Variants in CEP112 observed in about 807,000 individuals in gnomAD.
CEP112 encodes the protein centrosomal protein 112, also known as centrosomal protein of 112 kDa.
A neutral mutation model predicts 153.0 loss-of-function variants in CEP112; 127 were observed. That is an observed-to-expected ratio of 0.83 (90% CI 0.72 to 0.96). CEP112 has a LOEUF of 0.96. Ranked by LOEUF, CEP112 falls within the 40% of genes least tolerant of loss-of-function variation. The pLI is 0.00. For synonymous variants in CEP112, 358 were observed against 374.4 expected, an observed-to-expected ratio of 0.96 and a Z score of 0.51; for missense variants, 1,089 against 1,101.2, an observed-to-expected ratio of 0.99 and a Z score of 0.16.
intron 21 of CEP112, among the ~76,000 whole-genome samples, chr17:65,799,800 A>AC (rs1212697974): frequency 6.6e-6 from 1 of 152,224 alleles, no homozygotes; most frequent in African/African-American, 2.4e-5. Context: ...CTACCTTTCT[A>AC]CCCTTCTACC....
chr17:65,800,725 G>A (rs2055217732), intron 21 of CEP112, among the ~76,000 whole-genome samples: 1 of 152,116 alleles, frequency 6.6e-6, no homozygotes, highest in Non-Finnish European at 1.5e-5. Context: ...AATTCCCATT[G>A]TAAAATACGA....
At chr17:66,000,310 ATG>A (rs1473779702) in intron 17 of CEP112, among the ~76,000 whole-genome samples, 2 of 150,102 alleles carry the variant, frequency 1.3e-5, no homozygotes, top group Middle Eastern at 3.4e-3. Context: ...CATTTCTCTA[ATG>A]ATCGGTGATG....
chr17:65,862,605 A>G (rs1424944395), intron 20 of CEP112, among the ~76,000 whole-genome samples: 2 of 152,102 alleles, frequency 1.3e-5, no homozygotes, highest in Admixed American at 1.3e-4. Flanking sequence ...TAATAATAAT[A>G]TGTTCCAATT....
chr17:66,101,114 T>C (rs554016409), intron 6 of CEP112, among the ~76,000 whole-genome samples: 7 of 152,248 alleles, frequency 4.6e-5, no homozygotes, highest in African/African-American at 1.4e-4. Context: ...TATTAAACTT[T>C]ACGAATATTT....
intron 5 of CEP112, among the ~76,000 whole-genome samples, chr17:66,130,043 G>GA (rs1264632278): frequency 9.2e-5 from 14 of 151,804 alleles, no homozygotes; most frequent in East Asian, 1.9e-4. Context: ...ACGGGAGGGA[G>GA]AAAAAAAGAA....
intron 20 of CEP112, among the ~76,000 whole-genome samples, chr17:65,870,763 C>G (rs2058647189): frequency 6.6e-6 from 1 of 152,220 alleles, no homozygotes; most frequent in Admixed American, 6.5e-5. Flanking sequence ...CTAGAAACAC[C>G]TAAAGTTATT....
intron 24 of CEP112, among the ~76,000 whole-genome samples, chr17:65,669,302 C>T (rs1439344916): frequency 3.9e-5 from 6 of 152,170 alleles, no homozygotes; most frequent in Non-Finnish European, 7.3e-5. Context: ...GCAAGAAATT[C>T]TCTTCTAAGG....
At chr17:65,779,492 C>T (rs2053882735) in intron 21 of CEP112, among the ~76,000 whole-genome samples, 1 of 152,132 alleles carries the variant, frequency 6.6e-6, no homozygotes, top group African/African-American at 2.4e-5. Flanking sequence ...AGTTTGATGT[C>T]ATCATCACAG....
At chr17:65,796,730 C>T (rs2054934300) in intron 21 of CEP112, among the ~76,000 whole-genome samples, 1 of 151,960 alleles carries the variant, frequency 6.6e-6, no homozygotes, top group Non-Finnish European at 1.5e-5. Context: ...CTTGGTCATT[C>T]ATTATATTAA....
At chr17:65,962,449 T>C (rs1298322164) in intron 17 of CEP112, among the ~76,000 whole-genome samples, 9 of 152,182 alleles carry the variant, frequency 5.9e-5, no homozygotes, top group African/African-American at 1.9e-4. Flanking sequence ...GCGGAAACTA[T>C]ATAGCTGAAA....
intron 21 of CEP112, among the ~76,000 whole-genome samples, chr17:65,794,600 T>A (rs556002231): frequency 6.6e-6 from 1 of 152,362 alleles, no homozygotes; most frequent in South Asian, 2.1e-4. Context: ...CATTGCCTAC[T>A]AGAAAGCTCC....
At chr17:65,705,931 G>C (rs1409202264) in intron 23 of CEP112, among the ~76,000 whole-genome samples, 1 of 152,112 alleles carries the variant, frequency 6.6e-6, no homozygotes, top group African/African-American at 2.4e-5. Flanking sequence ...CATGGTTTCT[G>C]AGAGGCATTC....
chr17:65,849,530 C>T (rs1208774599), intron 21 of CEP112, among the ~76,000 whole-genome samples: 2 of 152,130 alleles, frequency 1.3e-5, no homozygotes, highest in African/African-American at 4.8e-5. Context: ...AAATTAGCAT[C>T]ACGTATAAAC....
At chr17:65,721,009 C>CTTTTTTTT (rs57507655) in intron 23 of CEP112, among the ~76,000 whole-genome samples, 2 of 125,744 alleles carry the variant, frequency 1.6e-5, no homozygotes, top group Non-Finnish European at 1.7e-5. Flanking sequence ...CTCTCTCTCT[C>CTTTTTTTT]TTTTTTTTTT....
At chr17:65,981,646 C>T (rs2063230921) in intron 17 of CEP112, among the ~76,000 whole-genome samples, 1 of 152,174 alleles carries the variant, frequency 6.6e-6, no homozygotes, top group Non-Finnish European at 1.5e-5. Flanking sequence ...ACAGTCTCAG[C>T]TCATTGCAGC....
In CEP112 at chr17:65,743,235, T is replaced by C. The variant is rs1463147263; in HGVS notation, c.2458-18A>G. On this transcript the variant is annotated intron_variant, in intron 22 of 26. Transcript: ENST00000535342. ...GCTATGATCTAAAATGAAAACAGCA[T>C]GCTATAACTTCAAATTCTTCTGGGA... 2 of 1,580,298 alleles carry C rather than the reference T, an allele frequency of 1.3e-6. No individual in the cohort carries two copies. The highest frequency in any genetic ancestry group is 1.4e-5 in the African/African-American group (1 of 73,604).
intron 23 of CEP112, among the ~76,000 whole-genome samples, chr17:65,728,687 A>G (rs1255393675): frequency 6.6e-6 from 1 of 152,226 alleles, no homozygotes; most frequent in East Asian, 1.9e-4. Context: ...ATAGGCAATT[A>G]TATAAATATA....
At position 66,168,483 on chromosome 17, in the gene CEP112, ATG is replaced by A. The variant is rs779692202; in HGVS notation, c.470+6559_470+6560del. 8.6e-4 allele frequency among the ~76,000 whole-genome samples: 122 copies of A among 141,560 alleles called. 1 individual carries two copies. The highest frequency in any genetic ancestry group is 5.7e-3 in the East Asian group (28 of 4,888). The allele number at this position is 141,560 out of a possible 152,430, so 92.9% of individuals were successfully genotyped here. ...TATATGTGTGTGTATATATGTATATATGTGTGTGTGTATATATATGTATATAT... is the reference window on the plus strand; with the variant it reads ...TATATGTGTGTGTATATATGTATATATGTGTGTGTATATATATGTATATAT... On this transcript the variant is annotated intron_variant, in intron 4 of 26. Transcript: ENST00000535342.
At chr17:66,150,560 C>T (rs2071164101) in intron 4 of CEP112, among the ~76,000 whole-genome samples, 1 of 152,138 alleles carries the variant, frequency 6.6e-6, no homozygotes, top group Non-Finnish European at 1.5e-5. Flanking sequence ...CTGTTAGGTT[C>T]AACTGGTCTA....
Sources: gnomAD v4.1 joint callset for allele counts (sites outside exome capture counted in the v4.1 genomes callset) on GRCh38, gnomAD v4.1.1 for gene constraint, MANE v1.5 for transcripts, NCBI Gene and HGNC (gene_info 2026-07-23, HGNC 2026-07-21) for gene names.